ZNF257: variants seen among roughly 807,000 people sequenced by gnomAD.
ZNF257 encodes the protein bone marrow zinc finger 4.
Under a neutral mutation model 11.9 loss-of-function variants are expected in ZNF257, and 12 were observed. That is an observed-to-expected ratio of 1.01 (90% CI 0.65 to 1.63). The LOEUF (loss-of-function observed/expected upper bound fraction) is 1.63. ZNF257 is among the 40% of genes most tolerant of loss of function. The pLI, the probability that ZNF257 is intolerant of heterozygous loss-of-function variation, is 0.00. For synonymous variants in ZNF257, 183 were observed against 222.7 expected (o/e 0.82, Z 1.59); for missense variants, 580 against 665.5 (o/e 0.87, Z 1.41).
At chr19:22,070,179 A>G (rs777422474) in intron 1 of ZNF257, among the ~76,000 whole-genome samples, 8 of 152,176 alleles carry the variant, frequency 5.3e-5, no homozygotes, top group Non-Finnish European at 1.2e-4. Flanking sequence ...GCTTGCAGAG[A>G]CATTCCATTT....
Position 22,067,747 on chromosome 19 carries a change from T to C in ZNF257, c.4-5062T>C, listed in dbSNP as rs577293646. Among the ~76,000 whole-genome samples, 6 of 152,030 alleles carry C rather than the reference T, an allele frequency of 3.9e-5. No homozygotes were observed. In the East Asian group the frequency reaches 1.2e-3, roughly 29 times the overall value. ...CTACTTGGGATGCTGAGGCAGAGAA[T>C]TGCTTGAACCTGGGAGGCGAAGGTT... On this transcript the variant is annotated intron_variant, in intron 1 of 3. Coordinates refer to ENST00000594947, the MANE Select transcript of ZNF257 (RefSeq NM_033468.4).
At chr19:22,056,223 G>A (rs1186182374) in intron 1 of ZNF257, among the ~76,000 whole-genome samples, 1 of 152,064 alleles carries the variant, frequency 6.6e-6, no homozygotes, top group Non-Finnish European at 1.5e-5. Flanking sequence ...AGGCCGAGGT[G>A]GGTGGATCAC....
At chr19:22,071,403 A>G (rs1006256101) in intron 1 of ZNF257, among the ~76,000 whole-genome samples, 2 of 151,932 alleles carry the variant, frequency 1.3e-5, no homozygotes, top group East Asian at 1.9e-4. Context: ...TTAAAGGCAT[A>G]TTCTCGAGAT....
Position 22,080,401 on chromosome 19 carries a change from AAG to A in ZNF257, c.226+6842_226+6843del, listed in dbSNP as rs1269694231. ...AAAATTTTACATTCTATTAATTCAA[AAG>A]AGAGCTGGCTCATTAAAAGAACCTG... On this transcript the variant is annotated intron_variant, in intron 3 of 3. Coordinates refer to ENST00000594947, the MANE Select transcript of ZNF257 (RefSeq NM_033468.4). 2.0e-5 allele frequency among the ~76,000 whole-genome samples: 3 copies of A among 152,090 alleles called. No individual in the cohort carries two copies. The South Asian group carries it at 6.2e-4, about 31-fold the overall frequency.
At chr19:22,068,726 TC>T (rs1474193741) in intron 1 of ZNF257, among the ~76,000 whole-genome samples, 6 of 152,118 alleles carry the variant, frequency 3.9e-5, no homozygotes, top group Non-Finnish European at 8.8e-5. Flanking sequence ...CTATACCTAC[TC>T]CTAAAATGTG....
chr19:22,089,603 T>C lies in ZNF257; in HGVS notation c.*161T>C. On this transcript the variant is annotated 3_prime_UTR_variant, in exon 4 of 4. Transcript: ENST00000594947. ...CAACATTTACTAAGCATAAAATAAT[T>C]CATGCTGGAGAGAAACTCTTGAAAT... 6.9e-7 allele frequency: 1 copy of C among 1,445,086 alleles called. No homozygotes were observed. The highest frequency in any genetic ancestry group is 9.1e-7 in the Non-Finnish European group (1 of 1,102,448). 89.5% of individuals were successfully genotyped at this position (1,445,086 alleles called of 1,614,324 possible).
intron 3 of ZNF257, among the ~76,000 whole-genome samples, chr19:22,084,092 A>G (rs2022419651): frequency 6.6e-6 from 1 of 151,310 alleles, no homozygotes; most frequent in African/African-American, 2.4e-5. Flanking sequence ...GTGAGCTGAG[A>G]TCGCGCCATC....
intron 1 of ZNF257, among the ~76,000 whole-genome samples, chr19:22,059,367 G>C (rs2021730619): frequency 6.6e-6 from 1 of 152,022 alleles, no homozygotes. Context: ...TTATCATTTA[G>C]CTCTTACTTA....
intron 1 of ZNF257, among the ~76,000 whole-genome samples, chr19:22,067,773 G>C (rs1000736532): frequency 1.3e-5 from 2 of 152,038 alleles, no homozygotes; most frequent in Non-Finnish European, 1.5e-5. Context: ...GGCGAAGGTT[G>C]CAGTGACCCG....
chr19:22,080,889 T>TA (rs1251187644), intron 3 of ZNF257, among the ~76,000 whole-genome samples: 3 of 150,598 alleles, frequency 2.0e-5, no homozygotes, highest in Non-Finnish European at 4.4e-5. Context: ...GTTGGTTTTT[T>TA]TTTTTTGAGA....
At chr19:22,065,712 A>AG (rs2021926385) in intron 1 of ZNF257, 3 of 152,204 alleles carry the variant, frequency 2.0e-5, no homozygotes, top group Admixed American at 1.3e-4. Flanking sequence ...CTGCTATTAC[A>AG]GGACAAACAC....
At chr19:22,052,766 G>C (rs893165450) in intron 1 of ZNF257, 131 bp downstream of exon 1, 2 of 1,130,826 alleles carry the variant, frequency 1.8e-6, no homozygotes, top group African/African-American at 1.5e-5. Context: ...TCCTTGGCCA[G>C]CTCGGCCTCG....
At chr19:22,083,108 A>T (rs1400841425) in intron 3 of ZNF257, among the ~76,000 whole-genome samples, 1 of 152,124 alleles carries the variant, frequency 6.6e-6, no homozygotes, top group Non-Finnish European at 1.5e-5. Context: ...TGAATCTTCC[A>T]TATCCGGTTT....
At chr19:22,057,207 C>T (rs2021666427) in intron 1 of ZNF257, among the ~76,000 whole-genome samples, 1 of 152,052 alleles carries the variant, frequency 6.6e-6, no homozygotes, top group Non-Finnish European at 1.5e-5. Context: ...AATATAAGCA[C>T]CTTAATTTTT....
At chr19:22,065,053 CAAA>C (rs370857838) in intron 1 of ZNF257, among the ~76,000 whole-genome samples, 1 of 113,712 alleles carries the variant, frequency 8.8e-6, no homozygotes. Flanking sequence ...GACTCCGCCT[CAAA>C]AAAAAAAAAA....
Position 22,052,490 on chromosome 19 carries a change from T to G in ZNF257, c.-143T>G. ...GCTTCCGGGTTTGGCGGGTACTTTG[T>G]CTCTCGCTCTAGCCCGAGCTGCAGG... On this transcript the variant is annotated 5_prime_UTR_variant, in exon 1 of 4. Coordinates refer to ENST00000594947, the MANE Select transcript of ZNF257 (RefSeq NM_033468.4). The G allele has an allele frequency of 1.0e-6, 1 of 960,436 alleles. No homozygotes were observed. 59.5% of individuals were successfully genotyped at this position (960,436 alleles called of 1,614,324 possible). A position where few individuals can be genotyped will look rare whatever the true frequency, so the allele number is the denominator to read the frequency against.
chr19:22,058,352 A>T (rs2021699078), intron 1 of ZNF257, among the ~76,000 whole-genome samples: 1 of 151,624 alleles, frequency 6.6e-6, no homozygotes, highest in African/African-American at 2.4e-5. Flanking sequence ...CAACATAACT[A>T]TGTTGTTTTG....
At chr19:22,085,910 G>T (rs28635943) in intron 3 of ZNF257, among the ~76,000 whole-genome samples, 36,196 of 151,928 alleles carry the variant, frequency 0.24, 5,952 homozygotes, top group African/African-American at 0.46. Flanking sequence ...AATGCCTACA[G>T]CAATCTTGCC....
intron 1 of ZNF257, among the ~76,000 whole-genome samples, chr19:22,067,388 A>G (rs997399298): frequency 2.0e-5 from 3 of 152,266 alleles, no homozygotes; most frequent in East Asian, 1.9e-4. Flanking sequence ...AATGTCCACA[A>G]ATATGCAGGT....
Sources: allele counts gnomAD v4.1 joint callset (sites outside exome capture counted in the v4.1 genomes callset), GRCh38; gene constraint gnomAD v4.1.1; transcripts MANE v1.5; gene names NCBI Gene and HGNC (gene_info 2026-07-23, HGNC 2026-07-21).